Variants in C2orf76 observed in about 807,000 individuals in gnomAD.
The protein encoded by C2orf76 is chromosome 2 open reading frame 76.
Under a neutral mutation model 16.9 loss-of-function variants are expected in C2orf76, and 23 were observed. That is an observed-to-expected ratio of 1.36 (90% CI 0.98 to 1.93). The LOEUF (loss-of-function observed/expected upper bound fraction) is 1.93, where lower values mean the gene tolerates loss of function less well. Among genes scored for constraint, C2orf76 ranks in the 30% most tolerant of loss-of-function variants. C2orf76 has a pLI of 0.00. For synonymous variants in C2orf76, 48 were observed against 52.3 expected, an observed-to-expected ratio of 0.92 and a Z score of 0.35; for missense variants, 152 against 152.6, an observed-to-expected ratio of 1.00 and a Z score of 0.02.
At chr2:119,296,951 C>T in the C2orf76 span, among the ~76,000 whole-genome samples, 1 of 152,174 alleles carries the variant, frequency 6.6e-6, no homozygotes, top group African/African-American at 2.4e-5. Context: ...GGATTTGAAG[C>T]CAGAAGAGAC....
chr2:119,286,307 A>C, the C2orf76 span, among the ~76,000 whole-genome samples: 4 of 151,790 alleles, frequency 2.6e-5, no homozygotes, highest in Non-Finnish European at 4.4e-5. Flanking sequence ...GCAGGATGAA[A>C]AGGAGAGCAG....
chr2:119,358,210 G>A (rs2104647025), intron 1 of C2orf76, among the ~76,000 whole-genome samples: 1 of 152,290 alleles, frequency 6.6e-6, no homozygotes, highest in Non-Finnish European at 1.5e-5. Context: ...TAGGCCCCTT[G>A]CACCAAACAG....
chr2:119,306,006 C>T (rs1253490011), intron 5 of C2orf76, among the ~76,000 whole-genome samples: 1 of 151,534 alleles, frequency 6.6e-6, no homozygotes, highest in African/African-American at 2.4e-5. Context: ...CTGTAATTTC[C>T]ACCATGGTGT....
chr2:119,350,671 T>C (rs1489790404), intron 1 of C2orf76, among the ~76,000 whole-genome samples: 1 of 152,156 alleles, frequency 6.6e-6, no homozygotes, highest in African/African-American at 2.4e-5. Context: ...CTTGGAAGCT[T>C]TGAGACCCCA....
chr2:119,309,805 T>A (rs1018054415), intron 5 of C2orf76, among the ~76,000 whole-genome samples: 1 of 152,216 alleles, frequency 6.6e-6, no homozygotes, highest in Non-Finnish European at 1.5e-5. Flanking sequence ...GTTTACAGTT[T>A]TTAGTTTATA....
At chr2:119,336,717 A>G (rs1338501755) in intron 2 of C2orf76, among the ~76,000 whole-genome samples, 1 of 152,158 alleles carries the variant, frequency 6.6e-6, no homozygotes, top group Non-Finnish European at 1.5e-5. Context: ...GAAAGGCAAT[A>G]AAGTGTGTAA....
the C2orf76 span, among the ~76,000 whole-genome samples, chr2:119,288,695 A>T: frequency 6.6e-6 from 1 of 152,046 alleles, no homozygotes; most frequent in African/African-American, 2.4e-5. Context: ...ACTGGCAGAA[A>T]GCACCATCCA....
At chr2:119,287,623 G>A in the C2orf76 span, among the ~76,000 whole-genome samples, 1 of 152,088 alleles carries the variant, frequency 6.6e-6, no homozygotes, top group African/African-American at 2.4e-5. Context: ...CTGAGGAGAC[G>A]TGATATTTGT....
At chr2:119,343,905 G>A (rs6542523) in intron 1 of C2orf76, among the ~76,000 whole-genome samples, 116,821 of 152,244 alleles carry the variant, frequency 0.77, 45,352 homozygotes, top group African/African-American at 0.86. Context: ...TATTCTATTT[G>A]GATTAAAATA....
the C2orf76 span, among the ~76,000 whole-genome samples, chr2:119,290,245 A>G: frequency 6.6e-6 from 1 of 151,660 alleles, no homozygotes; most frequent in Non-Finnish European, 1.5e-5. Flanking sequence ...TTTTTTAAGC[A>G]CCTCACCTGG....
intron 1 of C2orf76, among the ~76,000 whole-genome samples, chr2:119,342,574 T>C (rs1680067081): frequency 1.3e-5 from 2 of 150,666 alleles, no homozygotes; most frequent in South Asian, 4.2e-4. Context: ...ATCGTGCCAC[T>C]GCACTCCAGC....
chr2:119,317,936 AATG>A (rs1469626582), intron 3 of C2orf76, among the ~76,000 whole-genome samples: 3 of 152,216 alleles, frequency 2.0e-5, no homozygotes, highest in Admixed American at 6.5e-5. Flanking sequence ...CAAGAGAGCA[AATG>A]ATGATACAGG....
chr2:119,281,840 A>T, the C2orf76 span, among the ~76,000 whole-genome samples: 5 of 152,168 alleles, frequency 3.3e-5, no homozygotes, highest in African/African-American at 7.2e-5. Flanking sequence ...CACCAAACTG[A>T]AACCTCTTCC....
chr2:119,356,607 G>A (rs1309741185), intron 1 of C2orf76, among the ~76,000 whole-genome samples: 2 of 151,104 alleles, frequency 1.3e-5, no homozygotes, highest in Non-Finnish European at 2.9e-5. Context: ...AAAATCAAGA[G>A]CAAAACAAAC....
At chr2:119,305,717 G>A (rs921198236) in intron 5 of C2orf76, among the ~76,000 whole-genome samples, 1 of 152,086 alleles carries the variant, frequency 6.6e-6, no homozygotes, top group Non-Finnish European at 1.5e-5. Flanking sequence ...CCCGCTCTAG[G>A]AGTATAGCCT....
At chr2:119,308,099 G>T (rs536936672) in intron 5 of C2orf76, among the ~76,000 whole-genome samples, 2 of 152,102 alleles carry the variant, frequency 1.3e-5, no homozygotes, top group Admixed American at 1.3e-4. Flanking sequence ...CATTCTAACC[G>T]ATTTTCCCCA....
rs141434866 is a variant in C2orf76 at position 119,315,939 on chromosome 2, C to A, written c.222+1527G>T. On this transcript the variant is annotated intron_variant, in intron 4 of 5. Transcript: ENST00000334816. ...ATAATTTGAACATGATGAACTATGT[C>A]TCCACTAAGATAAAGGAATAATTTA... Among the ~76,000 whole-genome samples, 93 of 152,252 alleles carry A rather than the reference C, an allele frequency of 6.1e-4. 1 individual carries two copies. In the East Asian group the frequency reaches 7.3e-3, roughly 12 times the overall value.
chr2:119,311,692 A>C lies in C2orf76; in HGVS notation c.234T>G (p.Leu78=). Residue 78 remains leucine, a synonymous_variant, in exon 5 of 6, where the codon CTT becomes CTG. Transcript: ENST00000334816. Reference sequence around the variant, plus strand: ...TTTCGTCATCTTCCAAACTCAACACAAGTTCATTTGTCTAAAAAAAAAAAA... The same window carrying C: ...TTTCGTCATCTTCCAAACTCAACACCAGTTCATTTGTCTAAAAAAAAAAAA... ...HQAHKSKTNE[L]VLSLEDDERL... is the part of the protein sequence containing the mutation. The C allele has an allele frequency of 6.2e-7, 1 of 1,607,654 alleles. No individual in the cohort carries two copies. Among genetic ancestry groups the C allele is most frequent in the African/African-American group, 1.4e-5 (1 of 72,076 alleles).
At chr2:119,347,278 T>C (rs1439571582) in intron 1 of C2orf76, among the ~76,000 whole-genome samples, 2 of 151,976 alleles carry the variant, frequency 1.3e-5, no homozygotes, top group East Asian at 3.9e-4. Context: ...ACTGGAAAAA[T>C]GACTCGATTT....
Sources: allele counts gnomAD v4.1 joint callset (sites outside exome capture counted in the v4.1 genomes callset), GRCh38; gene constraint gnomAD v4.1.1; transcripts MANE v1.5; gene names NCBI Gene and HGNC (gene_info 2026-07-23, HGNC 2026-07-21).